The following WNK1 variants were observed in gnomAD, a reference collection of about 807,000 sequenced individuals.
WNK1 encodes the protein WNK lysine deficient protein kinase 1, also known as serine/threonine-protein kinase WNK1.
WNK1 carries 38 observed loss-of-function variants against 222.8 expected under a neutral mutation model. That is an observed-to-expected ratio of 0.17 (90% CI 0.13 to 0.22). The LOEUF (loss-of-function observed/expected upper bound fraction) is 0.22, where lower values mean the gene tolerates loss of function less well. Among genes scored for constraint, WNK1 ranks in the 10% least tolerant of loss-of-function variants. The pLI is 1.00. For synonymous variants in WNK1, 1,090 were observed against 1,092.9 expected (o/e 1.00, Z 0.05); for missense variants, 2,348 against 2,918.4 (o/e 0.80, Z 4.50).
At chr12:888,018 C>T (rs1159464523) in intron 20 of WNK1, among the ~76,000 whole-genome samples, 1 of 152,190 alleles carries the variant, frequency 6.6e-6, no homozygotes, top group African/African-American at 2.4e-5. Context: ...CCGCAGTCCA[C>T]CGCCAACACA....
At chr12:874,531 C>A (rs1952442913) in intron 9 of WNK1, among the ~76,000 whole-genome samples, 1 of 152,150 alleles carries the variant, frequency 6.6e-6, no homozygotes, top group Admixed American at 6.5e-5. Flanking sequence ...ACAGTCCTTT[C>A]AGCTTTTTTT....
At position 885,993 on chromosome 12, in the gene WNK1, C is replaced by T. The variant is rs375562377; in HGVS notation, c.5189C>T (p.Thr1730Ile). The T allele has an allele frequency of 1.1e-4, 173 of 1,591,782 alleles. No individual in the cohort carries two copies. The highest frequency in any genetic ancestry group is 1.3e-4 in the Non-Finnish European group (154 of 1,171,318). ...GCTTTGCCAGTTACACCAGTGGTCACACCTGGGCAAGTTTCTACCCCAGTC... is the reference window on the plus strand; with the variant it reads ...GCTTTGCCAGTTACACCAGTGGTCATACCTGGGCAAGTTTCTACCCCAGTC... ...TVALPVTPVVTPGQVSTPVST... is the reference protein window; with the variant it reads ...TVALPVTPVVIPGQVSTPVST... Residue 1730 changes from threonine (T) to isoleucine (I), a missense_variant, in exon 19 of 28, where the codon ACA becomes ATA. By Grantham distance (89) the Thr-to-Ile change is moderately conservative (BLOSUM62 -1). Around this residue, in one of 13 missense-constraint regions of WNK1, gnomAD observed 1,144 missense variants for 1,273.6 expected, o/e 0.90. Transcript: ENST00000315939.
chr12:755,768 A>C (rs1939921983), intron 1 of WNK1, among the ~76,000 whole-genome samples: 1 of 152,170 alleles, frequency 6.6e-6, no homozygotes, highest in Non-Finnish European at 1.5e-5. Flanking sequence ...CGGGGTTAGG[A>C]GTTCGAGACC....
chr12:782,934 G>T (rs903806141), intron 1 of WNK1, among the ~76,000 whole-genome samples: 1 of 150,440 alleles, frequency 6.6e-6, no homozygotes, highest in South Asian at 2.1e-4. Flanking sequence ...GTCTTGCCCT[G>T]TCACCCAGGC....
intron 1 of WNK1, among the ~76,000 whole-genome samples, chr12:786,383 C>G (rs779263027): frequency 6.6e-6 from 1 of 151,874 alleles, no homozygotes; most frequent in Non-Finnish European, 1.5e-5. Context: ...GCAGCATTTT[C>G]TCAAATAATT....
In WNK1 at chr12:752,906, GCCGAGGCT is replaced by G. The variant is rs1303873026; in HGVS notation, c.-648_-641del. 2.6e-5 allele frequency: 4 copies of G among 152,162 alleles called. No homozygotes were observed. The highest frequency in any genetic ancestry group is 4.4e-5 in the Non-Finnish European group (3 of 68,028). 9.4% of individuals were successfully genotyped at this position (152,162 alleles called of 1,614,324 possible). A position where few individuals can be genotyped will look rare whatever the true frequency, so the allele number is the denominator to read the frequency against. On this transcript the variant is annotated 5_prime_UTR_variant, in exon 1 of 28. Transcript: ENST00000315939. ...GGAAGGGGGGGCCCGCTCCTCAGGC[GCCGAGGCT>G]CCGAGGCTCCGGCCCTTCGCCTCTG... is the stretch of plus-strand genomic sequence containing the variant.
In WNK1 at chr12:908,857, G is replaced by GGGGGGGGT; in HGVS notation, c.*65_*66insGGGGGGGT. ...TGGAATGCTGAGGGGGTGGGTGGGG[G>GGGGGGGGT]TGGGAAGTAGCCTATATACTAACTA... On this transcript the variant is annotated 3_prime_UTR_variant, in exon 28 of 28. Coordinates refer to ENST00000315939, the MANE Select transcript of WNK1 (RefSeq NM_018979.4). 1.7e-6 allele frequency: 2 copies of GGGGGGGGT among 1,185,788 alleles called. No individual in the cohort carries two copies. Among genetic ancestry groups the GGGGGGGGT allele is most frequent in the Admixed American group, 1.8e-5 (1 of 54,240 alleles). The allele number at this position is 1,185,788 out of a possible 1,614,324, so 73.5% of individuals were successfully genotyped here. A position where few individuals can be genotyped will look rare whatever the true frequency, so the allele number is the denominator to read the frequency against.
In WNK1 at chr12:764,835, A is replaced by G. The variant is rs922639888; in HGVS notation, c.759+10511A>G. ...TAGATTTCTGCACTGTTCACTATCT[A>G]ATACAATATCCACCAGCCTCACGTG... On this transcript the variant is annotated intron_variant, in intron 1 of 27. Transcript: ENST00000315939. Among the ~76,000 whole-genome samples, 11 of 147,226 alleles carry G rather than the reference A, an allele frequency of 7.5e-5. 2 individuals carry two copies. The highest frequency in any genetic ancestry group is 1.2e-4 in the Non-Finnish European group (8 of 65,896).
At chr12:807,175 AG>A (rs887903576) in intron 1 of WNK1, among the ~76,000 whole-genome samples, 1 of 152,034 alleles carries the variant, frequency 6.6e-6, no homozygotes, top group African/African-American at 2.4e-5. Flanking sequence ...AAAGTTAACA[AG>A]AGCTGGGTGT....
At chr12:883,329 G>C in intron 15 of WNK1, 66 bp from the exon 16 acceptor site, 1 of 1,566,830 alleles carries the variant, frequency 6.4e-7, no homozygotes, top group Non-Finnish European at 8.8e-7. Flanking sequence ...TAGGACAGAA[G>C]TCATAAAAGT....
intron 1 of WNK1, among the ~76,000 whole-genome samples, chr12:809,243 A>ATTTT (rs869187932): frequency 9.6e-6 from 1 of 104,552 alleles, no homozygotes; most frequent in African/African-American, 3.8e-5. Flanking sequence ...AAAAAAAAAA[A>ATTTT]TTTTTTTTTT....
chr12:868,878 G>A, intron 8 of WNK1: 1 of 1,610,118 alleles, frequency 6.2e-7, no homozygotes, highest in Non-Finnish European at 8.5e-7. Context: ...GAATATTCCA[G>A]TGATTCCTCA....
intron 1 of WNK1, among the ~76,000 whole-genome samples, chr12:792,214 G>T (rs1293622051): frequency 6.6e-6 from 1 of 151,786 alleles, no homozygotes; most frequent in Non-Finnish European, 1.5e-5. Context: ...GAAGAGCAAA[G>T]GTATAAAGGT....
At chr12:795,581 C>T (rs1407885902) in intron 1 of WNK1, among the ~76,000 whole-genome samples, 2 of 152,144 alleles carry the variant, frequency 1.3e-5, no homozygotes. Context: ...CCTTCTGCCA[C>T]GATTCTGAGG....
At chr12:858,194 C>CT (rs112141810) in intron 5 of WNK1, among the ~76,000 whole-genome samples, 6,345 of 141,986 alleles carry the variant, frequency 0.045, 329 homozygotes, top group African/African-American at 0.12. Flanking sequence ...TGTTTCAACT[C>CT]TTTTTTTTTT....
intron 2 of WNK1, among the ~76,000 whole-genome samples, chr12:821,589 C>G (rs1565477943): frequency 2.6e-5 from 4 of 152,134 alleles, no homozygotes; most frequent in Non-Finnish European, 4.4e-5. Context: ...CTTCTGTTTT[C>G]TTACTCATCT....
At chr12:820,580 T>G (rs1947776399) in intron 2 of WNK1, among the ~76,000 whole-genome samples, 1 of 150,060 alleles carries the variant, frequency 6.7e-6, no homozygotes, top group Admixed American at 6.7e-5. Context: ...GCTTAAAGGA[T>G]CCTCCCACCT....
chr12:819,926 T>C (rs1441374248), intron 2 of WNK1, among the ~76,000 whole-genome samples: 1 of 152,238 alleles, frequency 6.6e-6, no homozygotes, highest in Non-Finnish European at 1.5e-5. Context: ...CCTACATGTC[T>C]GTTCTTATGC....
At chr12:818,782 G>A (rs969091712) in intron 2 of WNK1, among the ~76,000 whole-genome samples, 24 of 152,156 alleles carry the variant, frequency 1.6e-4, no homozygotes, top group African/African-American at 5.6e-4. Flanking sequence ...GAGGATCATC[G>A]TGATTGCACG....
Sources: allele counts gnomAD v4.1 joint callset (sites outside exome capture counted in the v4.1 genomes callset), GRCh38; gene constraint gnomAD v4.1.1; regional missense constraint gnomAD v4.1.1; transcripts MANE v1.5; gene names NCBI Gene and HGNC (gene_info 2026-07-23, HGNC 2026-07-21).